Variants in PTBP1 observed in about 807,000 individuals in gnomAD.
PTBP1 encodes the protein polypyrimidine tract binding protein 1, also known as polypyrimidine tract-binding protein 1.
Under a neutral mutation model 59.8 loss-of-function variants are expected in PTBP1, and 8 were observed. That is an observed-to-expected ratio of 0.13 (90% CI 0.08 to 0.24). PTBP1 has a LOEUF of 0.24. PTBP1 is among the 10% of genes least tolerant of loss of function. PTBP1 has a pLI of 1.00. For missense variants in PTBP1, 686 were observed against 767.0 expected, an observed-to-expected ratio of 0.89 and a Z score of 1.25; for synonymous variants, 490 against 320.7, an observed-to-expected ratio of 1.53 and a Z score of -5.64.
chr19:807,553 C>T, intron 10 of PTBP1: 3 of 383,490 alleles, frequency 7.8e-6, no homozygotes, highest in Non-Finnish European at 1.4e-5. Flanking sequence ...TCTTTTCTCC[C>T]CTTCCCCTTT....
intron 13 of PTBP1, 107 bp from the exon 14 acceptor site, chr19:810,436 C>CAGG: frequency 1.1e-6 from 1 of 894,412 alleles, no homozygotes. Flanking sequence ...AAAGGCCCTA[C>CAGG]GCCTTCCCCG....
Position 810,901 on chromosome 19 carries a change from C to A in PTBP1, c.*75C>A. The A allele has an allele frequency of 1.5e-5, 20 of 1,360,530 alleles. No homozygotes were observed. The highest frequency in any genetic ancestry group is 2.0e-5 in the Non-Finnish European group (20 of 1,019,874). 84.3% of individuals were successfully genotyped at this position (1,360,530 alleles called of 1,614,324 possible). Reference sequence around the variant, plus strand: ...CAGAGAAAAGCCACTTTAAAAACAGCTGAAGTGACCTTAGCAGACCAGAGA... The same window carrying A: ...CAGAGAAAAGCCACTTTAAAAACAGATGAAGTGACCTTAGCAGACCAGAGA... On this transcript the variant is annotated 3_prime_UTR_variant, in exon 15 of 15. Coordinates refer to ENST00000356948, the MANE Select transcript of PTBP1 (RefSeq NM_002819.5).
At chr19:799,808 T>G (rs2034251804) in intron 2 of PTBP1, among the ~76,000 whole-genome samples, 1 of 152,216 alleles carries the variant, frequency 6.6e-6, no homozygotes, top group African/African-American at 2.4e-5. Flanking sequence ...GGGAGACTCT[T>G]GGTTTTGATA....
rs1599236209 is a variant in PTBP1 at position 806,646 on chromosome 19, C to T, written c.1119+90C>T. 1.7e-5 allele frequency: 22 copies of T among 1,297,922 alleles called. No homozygotes were observed. In the East Asian group the frequency reaches 6.7e-4, roughly 40 times the overall value. The allele number at this position is 1,297,922 out of a possible 1,614,324, so 80.4% of individuals were successfully genotyped here. A position where few individuals can be genotyped will look rare whatever the true frequency, so the allele number is the denominator to read the frequency against. ...GGGCTCGGGTCCCGGAGCAGCGCCG[C>T]CCCTCGCTGTGTCTGCGCCTCTGCC... On this transcript the variant is annotated intron_variant, in intron 10 of 14. Coordinates refer to ENST00000356948, the MANE Select transcript of PTBP1 (RefSeq NM_002819.5).
chr19:805,230 A>AT (rs1199712596), intron 8 of PTBP1, 43 bp downstream of exon 8: 7 of 1,603,018 alleles, frequency 4.4e-6, no homozygotes, highest in Non-Finnish European at 6.0e-6. Flanking sequence ...AGAGTGGTCT[A>AT]TTAGGGCCGC....
rs1028536225 is a variant in PTBP1 at position 808,829 on chromosome 19, G to A, written c.1463+67G>A. On this transcript the variant is annotated intron_variant, in intron 13 of 14. Transcript: ENST00000356948. The surrounding 1 kb of genome is among the most constrained non-coding windows in gnomAD (Gnocchi z 4.7). ...AAGGGCTCTGCTTGGCTGTCCTACC[G>A]CGTCGGTGTGTGGACTTCTGGCGTT... 1.4e-5 allele frequency: 21 copies of A among 1,449,040 alleles called. No individual in the cohort carries two copies. The African/African-American group carries it at 2.1e-4, about 15-fold the overall frequency. The allele number at this position is 1,449,040 out of a possible 1,614,324, so 89.8% of individuals were successfully genotyped here.
rs1428025957 is a variant in PTBP1 at position 810,926 on chromosome 19, A to T, written c.*100A>T. ...CTGAAGTGACCTTAGCAGACCAGAG[A>T]TTTTATTTTTTTAAAGAGAAATCAG... On this transcript the variant is annotated 3_prime_UTR_variant, in exon 15 of 15. Coordinates refer to ENST00000356948, the MANE Select transcript of PTBP1 (RefSeq NM_002819.5). 1 of 1,207,254 alleles carries T rather than the reference A, an allele frequency of 8.3e-7. No homozygotes were observed. The highest frequency in any genetic ancestry group is 1.6e-5 in the African/African-American group (1 of 62,914). 74.8% of individuals were successfully genotyped at this position (1,207,254 alleles called of 1,614,324 possible). A position where few individuals can be genotyped will look rare whatever the true frequency, so the allele number is the denominator to read the frequency against.
chr19:799,395 C>A lies in PTBP1; in HGVS notation c.9-18C>A, dbSNP rs375893631. On this transcript the variant is annotated intron_variant, in intron 1 of 14. Coordinates refer to ENST00000356948, the MANE Select transcript of PTBP1 (RefSeq NM_002819.5). ...GTGGCCACCAGGCTAACGTTGTCTC[C>A]TTTCTTTCTCTCTACAGCATTGTCC... 2 of 1,613,524 alleles carry A rather than the reference C, an allele frequency of 1.2e-6. No individual in the cohort carries two copies. Among genetic ancestry groups the A allele is most frequent in the Admixed American group, 3.3e-5 (2 of 60,000 alleles).
chr19:805,479 C>G lies in PTBP1; in HGVS notation c.893-13C>G. The G allele has an allele frequency of 5.0e-6, 8 of 1,609,654 alleles. No individual in the cohort carries two copies. Among genetic ancestry groups the G allele is most frequent in the Non-Finnish European group, 6.8e-6 (8 of 1,175,960 alleles). On this transcript the variant is annotated splice_polypyrimidine_tract_variant and intron_variant, in intron 8 of 14. Transcript: ENST00000356948. ...GTTGTGGGTGCGATGATTAGTGTCT[C>G]ATTTATTTCTAGGTGCACCTGGTAT...
intron 1 of PTBP1, among the ~76,000 whole-genome samples, chr19:798,201 C>T (rs1031392344): frequency 9.9e-5 from 15 of 152,098 alleles, no homozygotes; most frequent in Middle Eastern, 3.4e-3. Context: ...GCCGGAGGGG[C>T]CTCTCCAGGG....
At position 804,586 on chromosome 19, in the gene PTBP1, T is replaced by C; in HGVS notation, c.490T>C (p.Leu164=). Residue 164 remains leucine (L), a synonymous_variant, in exon 6 of 15, where the codon TTG becomes CTG. Transcript: ENST00000356948. ...CTCGGTCCAGTCGGGGAACCTGGCC[T>C]TGGCTGCCTCGGCGGCGGCCGTGGA... ...VNSVQSGNLA[L]AASAAAVDAG... The C allele has an allele frequency of 6.2e-7, 1 of 1,611,238 alleles. No homozygotes were observed. The highest frequency in any genetic ancestry group is 8.5e-7 in the Non-Finnish European group (1 of 1,179,514).
rs1307099599 is a variant in PTBP1 at position 797,472 on chromosome 19, TC to T, written c.-21del. 1.3e-6 allele frequency: 2 copies of T among 1,593,728 alleles called. No homozygotes were observed. The highest frequency in any genetic ancestry group is 1.8e-4 in the Middle Eastern group (1 of 5,438). On this transcript the variant is annotated 5_prime_UTR_variant, in exon 1 of 15. Transcript: ENST00000356948. ...CTGCTATTCCGGCGCCTCCACTCCG[TC>T]CCCCGCGGGTCTGCTCTGTGTGCCA...
rs867050897 is a variant in PTBP1 at position 803,418 on chromosome 19, G to A, written c.40-143G>A. The A allele has an allele frequency of 2.0e-5, 14 of 690,224 alleles. 1 individual carries two copies. The Middle Eastern group carries it at 3.5e-3, about 172-fold the overall frequency. The allele number at this position is 690,224 out of a possible 1,614,324, so 42.8% of individuals were successfully genotyped here. ...CATGGGCTGGGTCTGCGCTCAGGCT[G>A]CCCTGCCGTGGAAGTGTGGGTGTGG... On this transcript the variant is annotated intron_variant, in intron 2 of 14. Transcript: ENST00000356948.
At chr19:801,735 A>G (rs768477945) in intron 2 of PTBP1, among the ~76,000 whole-genome samples, 6 of 152,074 alleles carry the variant, frequency 3.9e-5, no homozygotes, top group Admixed American at 6.5e-5. Flanking sequence ...AGGTGCACCC[A>G]TCCTCCCTTC....
At position 797,471 on chromosome 19, in the gene PTBP1, G is replaced by A. The variant is rs752208574; in HGVS notation, c.-27G>A. On this transcript the variant is annotated 5_prime_UTR_variant, in exon 1 of 15. Coordinates refer to ENST00000356948, the MANE Select transcript of PTBP1 (RefSeq NM_002819.5). The stretch of plus-strand genomic sequence containing the variant: ...CCTGCTATTCCGGCGCCTCCACTCC[G>A]TCCCCCGCGGGTCTGCTCTGTGTGC... The A allele has an allele frequency of 1.5e-5, 24 of 1,595,606 alleles. No homozygotes were observed. In the African/African-American group the frequency reaches 2.3e-4, roughly 15 times the overall value.
In PTBP1 at chr19:810,976, A is replaced by G; in HGVS notation, c.*150A>G. ...GTTTACCTGTTTTTAAAAAAATTAA[A>G]TCTAGTTCACCTTGCTCACCCTGCG... On this transcript the variant is annotated 3_prime_UTR_variant, in exon 15 of 15. Coordinates refer to ENST00000356948, the MANE Select transcript of PTBP1 (RefSeq NM_002819.5). The G allele has an allele frequency of 2.3e-6, 2 of 855,314 alleles. No individual in the cohort carries two copies. Among genetic ancestry groups the G allele is most frequent in the Non-Finnish European group, 3.3e-6 (2 of 597,594 alleles). 53.0% of individuals were successfully genotyped at this position (855,314 alleles called of 1,614,324 possible). A position where few individuals can be genotyped will look rare whatever the true frequency, so the allele number is the denominator to read the frequency against.
chr19:799,605 C>T (rs1015881101), intron 2 of PTBP1, among the ~76,000 whole-genome samples, 162 bp downstream of exon 2: 7 of 152,248 alleles, frequency 4.6e-5, no homozygotes, highest in Admixed American at 1.3e-4. Flanking sequence ...GGGTTTGAAC[C>T]CCGGGCTCCA....
intron 9 of PTBP1, chr19:805,859 A>G (rs1015457066): frequency 4.5e-6 from 2 of 448,218 alleles, no homozygotes; most frequent in South Asian, 2.3e-5. Context: ...GAGGACCGCC[A>G]GTGGTTGGAG....
intron 10 of PTBP1, chr19:807,414 G>GTGAA (rs2145062502): frequency 6.2e-6 from 1 of 161,598 alleles, no homozygotes; most frequent in East Asian, 1.9e-4. Flanking sequence ...CGGCATGTGA[G>GTGAA]TGAAGGTGCT....
Sources: allele counts gnomAD v4.1 joint callset (sites outside exome capture counted in the v4.1 genomes callset), GRCh38; gene constraint gnomAD v4.1.1; non-coding constraint Gnocchi (gnomAD v3.1); transcripts MANE v1.5; gene names NCBI Gene and HGNC (gene_info 2026-07-23, HGNC 2026-07-21).